The following TMEM232 variants were observed in gnomAD, a reference collection of about 807,000 sequenced individuals.
TMEM232 encodes transmembrane protein 232.
Under a neutral mutation model 78.8 loss-of-function variants are expected in TMEM232, and 80 were observed. That is an observed-to-expected ratio of 1.01 (90% confidence interval 0.85 to 1.22). The LOEUF (loss-of-function observed/expected upper bound fraction) is 1.22, where lower values mean the gene tolerates loss of function less well. Ranked by LOEUF, TMEM232 falls within the 50% of genes most tolerant of loss-of-function variation. The pLI, the probability that TMEM232 is intolerant of heterozygous loss-of-function variation, is 0.00. For synonymous variants in TMEM232, 297 were observed against 254.3 expected, an observed-to-expected ratio of 1.17 and a Z score of -1.60; for missense variants, 881 against 742.2, an observed-to-expected ratio of 1.19 and a Z score of -2.17.
At chr5:110,430,066 A>C (rs1757658307) in intron 12 of TMEM232, 1 of 151,608 alleles carries the variant, frequency 6.6e-6, no homozygotes. Context: ...TCAATCTGGA[A>C]TATGTGGTGG....
intron 12 of TMEM232, among the ~76,000 whole-genome samples, chr5:110,426,894 G>A (rs1757300583): frequency 6.6e-6 from 1 of 151,902 alleles, no homozygotes; most frequent in Non-Finnish European, 1.5e-5. Flanking sequence ...ATCATTTTAA[G>A]GTTAAAAGTG....
At chr5:110,555,556 T>C (rs1774975154) in intron 11 of TMEM232, among the ~76,000 whole-genome samples, 1 of 152,180 alleles carries the variant, frequency 6.6e-6, no homozygotes, top group African/African-American at 2.4e-5. Flanking sequence ...CTGAATATTT[T>C]TGTTAGTTTT....
chr5:110,651,789 T>G (rs1374831815), intron 2 of TMEM232, among the ~76,000 whole-genome samples: 1 of 152,006 alleles, frequency 6.6e-6, no homozygotes, highest in African/African-American at 2.4e-5. Context: ...ATGGAGGCAG[T>G]GGACATGAAG....
chr5:110,484,406 T>C (rs1249320061), intron 12 of TMEM232, among the ~76,000 whole-genome samples: 1 of 151,558 alleles, frequency 6.6e-6, no homozygotes, highest in Non-Finnish European at 1.5e-5. Context: ...GAGGCAGCAA[T>C]ACAAAGAGGA....
rs539510746 is a variant in TMEM232 at position 110,650,753 on chromosome 5, T to A, written c.126-8382A>T. Among the ~76,000 whole-genome samples the A allele has an allele frequency of 3.9e-5, 6 of 152,150 alleles. No homozygotes were observed. The East Asian group carries it at 1.2e-3, about 29-fold the overall frequency. ...ACTAAATGTAATGTAGTGTCCTGTA[T>A]GGGATCCTGGAACAGAAAAAAGGAA... On this transcript the variant is annotated intron_variant, in intron 2 of 13. Transcript: ENST00000455884.
chr5:110,641,392 A>G (rs1359488385), intron 3 of TMEM232, among the ~76,000 whole-genome samples: 1 of 152,124 alleles, frequency 6.6e-6, no homozygotes, highest in Non-Finnish European at 1.5e-5. Flanking sequence ...TGGCTACTTC[A>G]TTGTTGATAT....
intron 12 of TMEM232, among the ~76,000 whole-genome samples, chr5:110,462,537 C>T (rs1195889564): frequency 6.6e-6 from 1 of 152,170 alleles, no homozygotes; most frequent in East Asian, 1.9e-4. Flanking sequence ...ATGCTTCCTG[C>T]CCTCGAACAT....
At chr5:110,711,887 A>G (rs1796519561) in intron 1 of TMEM232, among the ~76,000 whole-genome samples, 1 of 152,050 alleles carries the variant, frequency 6.6e-6, no homozygotes, top group Non-Finnish European at 1.5e-5. Flanking sequence ...TGGGCAGATC[A>G]CGAAGTCAGG....
intron 1 of TMEM232, among the ~76,000 whole-genome samples, chr5:110,702,971 A>G (rs935636695): frequency 1.3e-5 from 2 of 152,076 alleles, no homozygotes; most frequent in Non-Finnish European, 2.9e-5. Context: ...TCTAGCAAAC[A>G]TAGCTGTCAG....
intron 12 of TMEM232, among the ~76,000 whole-genome samples, chr5:110,427,038 G>C (rs1757315579): frequency 6.6e-6 from 1 of 151,860 alleles, no homozygotes; most frequent in East Asian, 1.9e-4. Flanking sequence ...TGATTTCTTA[G>C]TTACCTCAGT....
At chr5:110,554,244 A>G (rs4580818) in intron 11 of TMEM232, among the ~76,000 whole-genome samples, 1 of 152,086 alleles carries the variant, frequency 6.6e-6, no homozygotes, top group Admixed American at 6.6e-5. Flanking sequence ...GCTAGAATAT[A>G]AGCAGGCAGA....
intron 12 of TMEM232, among the ~76,000 whole-genome samples, chr5:110,482,310 G>A (rs1241895307): frequency 2.0e-5 from 3 of 152,058 alleles, no homozygotes; most frequent in African/African-American, 4.8e-5. Context: ...GCCTGGCATC[G>A]TGGCTCACTG....
At chr5:110,620,265 T>G (rs1009382530) in intron 7 of TMEM232, among the ~76,000 whole-genome samples, 6 of 152,206 alleles carry the variant, frequency 3.9e-5, no homozygotes, top group Non-Finnish European at 8.8e-5. Flanking sequence ...CCAGGTTATT[T>G]TGATCTCCTA....
rs73218918 is a variant in TMEM232 at position 110,412,734 on chromosome 5, G to A, written n.308+12089C>T. Among the ~76,000 whole-genome samples the A allele has an allele frequency of 3.7e-3, 565 of 152,122 alleles. 3 individuals are homozygous for A. The highest frequency in any genetic ancestry group is 0.013 in the African/African-American group (525 of 41,504). ...AAATTTCTAATGTTTCAAATGGAAAGATACTAGGACCCATTGTTATTTGAT... is the reference window on the plus strand; with the variant it reads ...AAATTTCTAATGTTTCAAATGGAAAAATACTAGGACCCATTGTTATTTGAT... On this transcript the variant is annotated intron_variant and non_coding_transcript_variant, in intron 2 of 8. Coordinates refer to the TMEM232 transcript ENST00000507188.
chr5:110,670,886 G>C (rs550401341), intron 1 of TMEM232, among the ~76,000 whole-genome samples: 1 of 152,188 alleles, frequency 6.6e-6, no homozygotes, highest in South Asian at 2.1e-4. Context: ...CAATAAGTAG[G>C]AATGTGCAAA....
At chr5:110,559,729 C>T (rs181929893) in intron 11 of TMEM232, among the ~76,000 whole-genome samples, 1 of 152,178 alleles carries the variant, frequency 6.6e-6, no homozygotes, top group East Asian at 1.9e-4. Context: ...CAAAGTACCA[C>T]AAAATTTGTG....
chr5:110,429,413 G>A (rs1283031944), intron 12 of TMEM232, among the ~76,000 whole-genome samples: 2 of 151,744 alleles, frequency 1.3e-5, no homozygotes. Context: ...ATTTCTTTAT[G>A]CAGAATTATG....
chr5:110,542,160 C>G (rs1227131630), intron 11 of TMEM232, among the ~76,000 whole-genome samples: 1 of 152,134 alleles, frequency 6.6e-6, no homozygotes. Context: ...GTTTAGAAGA[C>G]AGCCAAAAGA....
At chr5:110,700,924 C>A (rs1310849914) in intron 1 of TMEM232, among the ~76,000 whole-genome samples, 2 of 151,902 alleles carry the variant, frequency 1.3e-5, no homozygotes, top group Non-Finnish European at 2.9e-5. Context: ...TCAGAGTAAT[C>A]AAACTATTCA....
Sources: allele counts gnomAD v4.1 joint callset (sites outside exome capture counted in the v4.1 genomes callset), GRCh38; gene constraint gnomAD v4.1.1; transcripts MANE v1.5; gene names NCBI Gene and HGNC (gene_info 2026-07-23, HGNC 2026-07-21).